Variants in EYS observed in about 807,000 individuals in gnomAD.
EYS encodes EGF-like photoreceptor maintenance factor.
Under a neutral mutation model 282.1 loss-of-function variants are expected in EYS, and 250 were observed. That is an observed-to-expected ratio of 0.89 (90% CI 0.80 to 0.98). The LOEUF (loss-of-function observed/expected upper bound fraction) is 0.98. Ranked by LOEUF, EYS falls within the 50% of genes least tolerant of loss-of-function variation. The pLI is 0.00. For synonymous variants in EYS, 1,355 were observed against 1,282.9 expected (o/e 1.06, Z -1.20); for missense variants, 4,016 against 3,709.0 (o/e 1.08, Z -2.15).
intron 31 of EYS, among the ~76,000 whole-genome samples, chr6:64,114,015 TA>T (rs201395835): frequency 6.6e-6 from 1 of 152,192 alleles, no homozygotes; most frequent in East Asian, 1.9e-4. Context: ...TATGACCTGC[TA>T]AACCTAAAAT....
At chr6:65,590,748 G>C (rs1379167164) in intron 2 of EYS, among the ~76,000 whole-genome samples, 1 of 151,250 alleles carries the variant, frequency 6.6e-6, no homozygotes, top group Non-Finnish European at 1.5e-5. Context: ...TGCCTGGCTT[G>C]TTTCACTTAA....
chr6:64,064,981 G>A (rs946920411), intron 33 of EYS, among the ~76,000 whole-genome samples: 37 of 152,072 alleles, frequency 2.4e-4, no homozygotes, highest in African/African-American at 8.2e-4. Flanking sequence ...AAGGGTATAC[G>A]TAATTTACAA....
chr6:65,206,913 A>G (rs1766050466), intron 12 of EYS, among the ~76,000 whole-genome samples: 1 of 151,958 alleles, frequency 6.6e-6, no homozygotes, highest in Non-Finnish European at 1.5e-5. Flanking sequence ...CCCACAGGTA[A>G]CAATCTGCTC....
intron 33 of EYS, among the ~76,000 whole-genome samples, chr6:64,061,219 G>T (rs1771155751): frequency 6.6e-6 from 1 of 152,118 alleles, no homozygotes; most frequent in Non-Finnish European, 1.5e-5. Flanking sequence ...CTTTTTTAGA[G>T]AATAGAATAC....
intron 5 of EYS, among the ~76,000 whole-genome samples, chr6:65,461,140 A>G (rs1179441852): frequency 7.2e-5 from 11 of 152,102 alleles, no homozygotes; most frequent in Non-Finnish European, 1.6e-4. Context: ...CTGTCATATA[A>G]ATGAGGCAAC....
chr6:64,927,978 G>T lies in EYS; in HGVS notation c.2382-15235C>A, dbSNP rs569939744. On this transcript the variant is annotated intron_variant, in intron 15 of 42. Transcript: ENST00000503581. Reference sequence around the variant, plus strand: ...AGGGTGGAAATGAACTGTGAATGGGGCACAAGAAAACTTTCTAGGGTGATG... The same window carrying T: ...AGGGTGGAAATGAACTGTGAATGGGTCACAAGAAAACTTTCTAGGGTGATG... Among the ~76,000 whole-genome samples the T allele has an allele frequency of 5.3e-5, 8 of 152,130 alleles. No individual in the cohort carries two copies. The South Asian group carries it at 1.7e-3, about 32-fold the overall frequency.
At chr6:64,200,821 T>C (rs1186203562) in intron 31 of EYS, among the ~76,000 whole-genome samples, 2 of 152,134 alleles carry the variant, frequency 1.3e-5, no homozygotes, top group Non-Finnish European at 2.9e-5. Context: ...ATATAAACAT[T>C]AGTCCACACA....
At chr6:64,918,248 C>G (rs906255412) in intron 15 of EYS, among the ~76,000 whole-genome samples, 1 of 151,888 alleles carries the variant, frequency 6.6e-6, no homozygotes, top group Admixed American at 6.6e-5. Flanking sequence ...AAATTAAGGA[C>G]CACTTTGAAT....
chr6:64,531,396 T>G (rs1469728126), intron 26 of EYS, among the ~76,000 whole-genome samples: 90 of 149,182 alleles, frequency 6.0e-4, no homozygotes, highest in African/African-American at 1.9e-3. Context: ...GTTTTTTGTT[T>G]TTTTTTTTTG....
intron 22 of EYS, among the ~76,000 whole-genome samples, chr6:64,636,251 A>G (rs1483368384): frequency 1.3e-5 from 2 of 152,194 alleles, no homozygotes; most frequent in Non-Finnish European, 2.9e-5. Flanking sequence ...GATATAGATA[A>G]ATGGAACAGA....
chr6:65,571,449 T>C (rs1253947227), intron 2 of EYS, among the ~76,000 whole-genome samples: 2 of 152,022 alleles, frequency 1.3e-5, no homozygotes, highest in East Asian at 1.9e-4. Flanking sequence ...CTTTTACAAA[T>C]AGAAATTTCC....
At chr6:64,685,839 A>T (rs887956537) in intron 22 of EYS, among the ~76,000 whole-genome samples, 1 of 152,220 alleles carries the variant, frequency 6.6e-6, no homozygotes, top group Non-Finnish European at 1.5e-5. Flanking sequence ...TTGAATCAAA[A>T]TACCCTATCT....
intron 22 of EYS, among the ~76,000 whole-genome samples, chr6:64,700,187 T>C (rs185852591): frequency 6.6e-6 from 1 of 152,132 alleles, no homozygotes; most frequent in East Asian, 1.9e-4. Flanking sequence ...GGAGTATCTC[T>C]TCATGACACA....
At chr6:64,451,561 G>A (rs1005903083) in intron 26 of EYS, among the ~76,000 whole-genome samples, 3 of 152,114 alleles carry the variant, frequency 2.0e-5, no homozygotes, top group Non-Finnish European at 4.4e-5. Context: ...AACAAAAAAA[G>A]AGAATTTTAG....
chr6:65,620,027 T>G (rs1334673953), intron 2 of EYS, among the ~76,000 whole-genome samples: 1 of 152,146 alleles, frequency 6.6e-6, no homozygotes, highest in Non-Finnish European at 1.5e-5. Flanking sequence ...TTTTATGTTG[T>G]GTCTCTGCCA....
chr6:64,262,790 A>G (rs189794845), intron 30 of EYS, among the ~76,000 whole-genome samples: 13 of 151,940 alleles, frequency 8.6e-5, no homozygotes, highest in African/African-American at 3.1e-4. Flanking sequence ...AATAGGAACA[A>G]TTTTTCCAAG....
At chr6:65,593,675 A>G (rs1258201105) in intron 2 of EYS, among the ~76,000 whole-genome samples, 2 of 151,958 alleles carry the variant, frequency 1.3e-5, no homozygotes, top group South Asian at 2.1e-4. Flanking sequence ...TTACTCTCCC[A>G]TAGCAAATTC....
intron 26 of EYS, among the ~76,000 whole-genome samples, chr6:64,530,780 A>C (rs1046817023): frequency 1.3e-5 from 2 of 152,138 alleles, no homozygotes; most frequent in African/African-American, 4.8e-5. Context: ...GTCTCATTAA[A>C]ATAATCATTT....
intron 31 of EYS, among the ~76,000 whole-genome samples, chr6:64,201,978 A>G (rs891140933): frequency 6.6e-6 from 1 of 152,194 alleles, no homozygotes; most frequent in Non-Finnish European, 1.5e-5. Flanking sequence ...GCTACAATGC[A>G]CAGGACAGAC....
Sources: gnomAD v4.1 joint callset for allele counts (sites outside exome capture counted in the v4.1 genomes callset) on GRCh38, gnomAD v4.1.1 for gene constraint, MANE v1.5 for transcripts, NCBI Gene and HGNC (gene_info 2026-07-23, HGNC 2026-07-21) for gene names.